PAPOLA: variants seen among roughly 807,000 people sequenced by gnomAD.
The protein encoded by PAPOLA is polynucleotide adenylyltransferase alpha.
A neutral mutation model predicts 100.6 loss-of-function variants in PAPOLA; 15 were observed. The ratio of observed to expected loss-of-function variants is 0.15; its 90% CI spans 0.10 to 0.23. The LOEUF is 0.23. Among genes scored for constraint, PAPOLA ranks in the 10% least tolerant of loss-of-function variants. PAPOLA has a pLI of 1.00. For missense variants in PAPOLA, 533 were observed against 884.2 expected (o/e 0.60, Z 5.04); for synonymous variants, 293 against 300.0 (o/e 0.98, Z 0.24).
intron 3 of PAPOLA, among the ~76,000 whole-genome samples, chr14:96,521,645 C>T (rs917455830): frequency 6.6e-6 from 1 of 152,152 alleles, no homozygotes; most frequent in Non-Finnish European, 1.5e-5. Context: ...CATGTCCCTT[C>T]ACACCTGGCT....
At chr14:96,559,581 C>CTATATATA (rs1555396726) in intron 19 of PAPOLA, among the ~76,000 whole-genome samples, 2,263 of 120,026 alleles carry the variant, frequency 0.019, 59 homozygotes, top group African/African-American at 0.045. Flanking sequence ...CTCTCTCTCT[C>CTATATATA]TATATATATA....
intron 18 of PAPOLA, 41 bp from the exon 19 acceptor site, chr14:96,556,134 G>A (rs1295036244): frequency 4.1e-6 from 6 of 1,471,740 alleles, no homozygotes; most frequent in Non-Finnish European, 5.7e-6. Context: ...ATACTGATTT[G>A]GTTATTTTAA....
chr14:96,555,073 A>G (rs966044814), intron 17 of PAPOLA, among the ~76,000 whole-genome samples: 5 of 151,994 alleles, frequency 3.3e-5, no homozygotes, highest in Admixed American at 6.6e-5. Context: ...TAAAAGTAAG[A>G]TATTGAAATA....
At chr14:96,520,001 T>A (rs1897809405) in intron 1 of PAPOLA, 54 bp from the exon 2 acceptor site, 18 of 1,405,620 alleles carry the variant, frequency 1.3e-5, no homozygotes, top group Middle Eastern at 1.8e-4. Flanking sequence ...CTTACTGATT[T>A]GTTTCAAATT....
intron 13 of PAPOLA, chr14:96,542,544 C>A: frequency 1.8e-6 from 1 of 543,058 alleles, no homozygotes; most frequent in African/African-American, 2.0e-5. Context: ...GCACTTATAG[C>A]TTGTTTTTCT....
intron 10 of PAPOLA, chr14:96,535,342 G>A: frequency 2.0e-6 from 2 of 984,720 alleles, no homozygotes; most frequent in Non-Finnish European, 2.4e-6. Context: ...TTGTGGAAAT[G>A]TGCCACTTAC....
chr14:96,532,144 C>G (rs1899073319), intron 7 of PAPOLA, 187 bp from the exon 8 acceptor site: 1 of 1,368,804 alleles, frequency 7.3e-7, no homozygotes, highest in Admixed American at 3.5e-5. Context: ...AGATTTTTTC[C>G]CCCTCTTTAT....
chr14:96,531,862 T>C, intron 7 of PAPOLA: 1 of 1,383,808 alleles, frequency 7.2e-7, no homozygotes, highest in Non-Finnish European at 9.3e-7. Flanking sequence ...GTGATTTAGG[T>C]TTCATGGCCT....
chr14:96,527,008 A>T (rs1018622666), intron 4 of PAPOLA: 1 of 155,634 alleles, frequency 6.4e-6, no homozygotes, highest in African/African-American at 2.4e-5. Context: ...CTTGAAGTTT[A>T]TTTTGTAGGT....
At chr14:96,533,919 T>G in intron 9 of PAPOLA, 1 of 985,416 alleles carries the variant, frequency 1.0e-6, no homozygotes. Flanking sequence ...AACCTTGATG[T>G]TAAGAGTGGC....
intron 1 of PAPOLA, among the ~76,000 whole-genome samples, chr14:96,518,475 C>T (rs1251079396): frequency 6.6e-6 from 1 of 151,610 alleles, no homozygotes; most frequent in Non-Finnish European, 1.5e-5. Context: ...GTGGTGCGAT[C>T]TCAGCTCACT....
At chr14:96,558,313 A>G (rs1901532805) in intron 19 of PAPOLA, among the ~76,000 whole-genome samples, 1 of 152,208 alleles carries the variant, frequency 6.6e-6, no homozygotes. Flanking sequence ...TGTCAATTAC[A>G]CATTCAGACT....
chr14:96,546,382 A>G (rs964991359), intron 15 of PAPOLA, among the ~76,000 whole-genome samples: 1 of 152,024 alleles, frequency 6.6e-6, no homozygotes, highest in Non-Finnish European at 1.5e-5. Context: ...TAGTGTCCAG[A>G]TGATATTTTT....
chr14:96,503,474 A>T lies in PAPOLA; in HGVS notation c.8+874A>T, dbSNP rs547270271. On this transcript the variant is annotated intron_variant, in intron 1 of 21. Coordinates refer to ENST00000216277, the MANE Select transcript of PAPOLA (RefSeq NM_032632.5). Reference sequence around the variant, plus strand: ...TTTTTCTCCCCTCCCCCTTTCTGATAATGAGATATAATTTGGCAGCTCATT... The same window carrying T: ...TTTTTCTCCCCTCCCCCTTTCTGATTATGAGATATAATTTGGCAGCTCATT... Among the ~76,000 whole-genome samples the T allele has an allele frequency of 2.9e-4, 44 of 151,112 alleles. 1 individual carries two copies. The highest frequency in any genetic ancestry group is 1.0e-3 in the African/African-American group (43 of 41,114).
At chr14:96,523,025 A>G (rs1398356398) in intron 3 of PAPOLA, among the ~76,000 whole-genome samples, 1 of 152,212 alleles carries the variant, frequency 6.6e-6, no homozygotes, top group Non-Finnish European at 1.5e-5. Context: ...TATGCAGTGT[A>G]TATGTATATT....
Position 96,532,995 on chromosome 14 carries a change from T to A in PAPOLA, c.836+346T>A, listed in dbSNP as rs750018729. The A allele has an allele frequency of 3.0e-6, 3 of 1,001,900 alleles. No homozygotes were observed. In the African/African-American group the frequency reaches 5.2e-5, roughly 17 times the overall value. 62.1% of individuals were successfully genotyped at this position (1,001,900 alleles called of 1,614,324 possible). On this transcript the variant is annotated intron_variant, in intron 9 of 21. Transcript: ENST00000216277. ...TGTACACACTACCTCTTTCACTCTT[T>A]TAATTCTCTATCTATAGGCCATTAG...
chr14:96,503,731 A>G (rs1016693354), intron 1 of PAPOLA, among the ~76,000 whole-genome samples: 1 of 152,158 alleles, frequency 6.6e-6, no homozygotes, highest in Non-Finnish European at 1.5e-5. Context: ...CATCGAATGT[A>G]GTAACTCAGG....
intron 3 of PAPOLA, among the ~76,000 whole-genome samples, chr14:96,524,744 A>G (rs1458571062): frequency 6.6e-6 from 1 of 152,110 alleles, no homozygotes; most frequent in South Asian, 2.1e-4. Context: ...GCTGGTCTCA[A>G]TCTGGGCTCA....
intron 16 of PAPOLA, 92 bp from the exon 17 acceptor site, chr14:96,552,388 G>A: frequency 8.4e-7 from 1 of 1,196,348 alleles, no homozygotes; most frequent in Non-Finnish European, 1.2e-6. Flanking sequence ...GTGCTTTTCA[G>A]TAAAAATCAT....
Sources: allele counts gnomAD v4.1 joint callset (sites outside exome capture counted in the v4.1 genomes callset), GRCh38; gene constraint gnomAD v4.1.1; transcripts MANE v1.5; gene names NCBI Gene and HGNC (gene_info 2026-07-23, HGNC 2026-07-21).